Variants in DNAJC24 observed in about 807,000 individuals in gnomAD.
The protein encoded by DNAJC24 is DnaJ heat shock protein family (Hsp40) member C24, also known as dnaJ homolog subfamily C member 24.
A neutral mutation model predicts 18.0 loss-of-function variants in DNAJC24; 17 were observed. That is an observed-to-expected ratio of 0.94 (90% CI 0.65 to 1.42). DNAJC24 has a LOEUF of 1.42. Among genes scored for constraint, DNAJC24 ranks in the 40% most tolerant of loss-of-function variants. The probability of loss-of-function intolerance (pLI) is 0.00; values close to 1 mark genes in which losing one functional copy is unlikely to be tolerated. For missense variants in DNAJC24, 158 were observed against 175.6 expected (o/e 0.90, Z 0.57); for synonymous variants, 55 against 57.7 (o/e 0.95, Z 0.21).
intron 2 of DNAJC24, among the ~76,000 whole-genome samples, chr11:31,387,197 A>G (rs1454137992): frequency 6.6e-6 from 1 of 152,216 alleles, no homozygotes; most frequent in Non-Finnish European, 1.5e-5. Context: ...GAAGGACAGA[A>G]GCCTGGCTGA....
At chr11:31,371,611 A>T in intron 2 of DNAJC24, among the ~76,000 whole-genome samples, 1 of 152,126 alleles carries the variant, frequency 6.6e-6, no homozygotes, top group East Asian at 1.9e-4. Context: ...TGTGGATTAT[A>T]TATTGAAATG....
At chr11:31,419,495 A>T (rs144311314) in intron 3 of DNAJC24, among the ~76,000 whole-genome samples, 19 of 152,212 alleles carry the variant, frequency 1.2e-4, no homozygotes, top group African/African-American at 4.1e-4. Flanking sequence ...AATGTATTTT[A>T]GGATCATTTC....
At chr11:31,383,799 T>C (rs1952401763) in intron 2 of DNAJC24, among the ~76,000 whole-genome samples, 1 of 152,272 alleles carries the variant, frequency 6.6e-6, no homozygotes, top group Admixed American at 6.5e-5. Context: ...TTCGTCCTAA[T>C]GTAACAGAAT....
In DNAJC24 at chr11:31,432,407, G is replaced by T. The variant is rs1033498723; in HGVS notation, c.*2006G>T. ...AATTAAAAACAACTAAAACTGAATAGCAAATAGTTTATTGGTAAGTACACG... is the reference window on the plus strand; with the variant it reads ...AATTAAAAACAACTAAAACTGAATATCAAATAGTTTATTGGTAAGTACACG... On this transcript the variant is annotated 3_prime_UTR_variant, in exon 5 of 5. Transcript: ENST00000465995. The T allele has an allele frequency of 2.4e-6, 2 of 823,916 alleles. No individual in the cohort carries two copies. Among genetic ancestry groups the T allele is most frequent in the Admixed American group, 4.3e-5 (2 of 46,250 alleles). The allele number at this position is 823,916 out of a possible 1,614,324, so 51.0% of individuals were successfully genotyped here. A position where few individuals can be genotyped will look rare whatever the true frequency, so the allele number is the denominator to read the frequency against.
chr11:31,371,918 C>G (rs543138), intron 2 of DNAJC24, among the ~76,000 whole-genome samples: 62,372 of 149,228 alleles, frequency 0.42, 13,951 homozygotes, highest in African/African-American at 0.57. Context: ...CCGCCTCCCA[C>G]TTTCAAAGGA....
intron 2 of DNAJC24, among the ~76,000 whole-genome samples, chr11:31,381,351 ATGT>A (rs374615926): frequency 1.8e-3 from 272 of 152,208 alleles, no homozygotes; most frequent in African/African-American, 6.1e-3. Flanking sequence ...AATACAATTA[ATGT>A]TGTTGTGTCC....
chr11:31,393,640 C>T (rs183347032), intron 2 of DNAJC24, among the ~76,000 whole-genome samples: 4 of 152,178 alleles, frequency 2.6e-5, no homozygotes, highest in Admixed American at 2.6e-4. Flanking sequence ...GGTGTCATCT[C>T]GGAAGCAGAG....
chr11:31,413,402 C>G (rs963419699), intron 2 of DNAJC24, among the ~76,000 whole-genome samples: 1 of 146,790 alleles, frequency 6.8e-6, no homozygotes, highest in African/African-American at 2.5e-5. Flanking sequence ...GCAATCTCAG[C>G]TCACTGCAAG....
chr11:31,421,990 T>A, intron 3 of DNAJC24: 1 of 444,578 alleles, frequency 2.2e-6, no homozygotes. Context: ...ACCTCTCTGA[T>A]GAGTCCTGCC....
At chr11:31,415,796 C>T (rs969196828) in intron 3 of DNAJC24, 9 of 152,210 alleles carry the variant, frequency 5.9e-5, no homozygotes, top group African/African-American at 1.7e-4. Flanking sequence ...CTCGTAGTCG[C>T]TTATTGAATC....
At chr11:31,411,758 T>C (rs1458840155) in intron 2 of DNAJC24, among the ~76,000 whole-genome samples, 1 of 152,232 alleles carries the variant, frequency 6.6e-6, no homozygotes, top group Non-Finnish European at 1.5e-5. Context: ...TTTCATGAAC[T>C]ACAACGTAAT....
intron 3 of DNAJC24, among the ~76,000 whole-genome samples, chr11:31,419,664 T>G (rs1952785329): frequency 6.6e-6 from 1 of 151,996 alleles, no homozygotes; most frequent in Non-Finnish European, 1.5e-5. Flanking sequence ...TTTTCCAACT[T>G]TAACCACTCT....
intron 4 of DNAJC24, among the ~76,000 whole-genome samples, chr11:31,428,390 A>G (rs997052162): frequency 1.4e-4 from 22 of 152,190 alleles, no homozygotes; most frequent in Admixed American, 9.2e-4. Flanking sequence ...ATTCTTGTAG[A>G]AATACTTAAA....
chr11:31,419,205 G>A (rs1952780236), intron 3 of DNAJC24, among the ~76,000 whole-genome samples: 2 of 151,964 alleles, frequency 1.3e-5, no homozygotes, highest in Admixed American at 6.6e-5. Flanking sequence ...TTTGATTTTA[G>A]GAATTTCAAA....
chr11:31,374,098 T>C (rs1395721812), intron 2 of DNAJC24: 1 of 390,036 alleles, frequency 2.6e-6, no homozygotes, highest in African/African-American at 2.0e-5. Context: ...TTTTCTTACG[T>C]TAAGGCACTA....
At chr11:31,379,169 C>A (rs1952349733) in intron 2 of DNAJC24, among the ~76,000 whole-genome samples, 2 of 152,116 alleles carry the variant, frequency 1.3e-5, no homozygotes, top group African/African-American at 4.8e-5. Context: ...CAGTACTGGT[C>A]CATGGCCAGT....
At chr11:31,386,142 G>A (rs1047951533) in intron 2 of DNAJC24, among the ~76,000 whole-genome samples, 1 of 152,034 alleles carries the variant, frequency 6.6e-6, no homozygotes, top group African/African-American at 2.4e-5. Flanking sequence ...AAAGTTCTCT[G>A]GGGTCATAAG....
chr11:31,430,128 T>C (rs1952905022), intron 4 of DNAJC24, 143 bp from the exon 5 acceptor site: 1 of 658,546 alleles, frequency 1.5e-6, no homozygotes, highest in Non-Finnish European at 2.3e-6. Flanking sequence ...AGAAATCCAG[T>C]TCTCCTTTAA....
At chr11:31,408,424 C>T (rs1952675866) in intron 2 of DNAJC24, 2 of 282,184 alleles carry the variant, frequency 7.1e-6, no homozygotes, top group East Asian at 9.3e-5. Context: ...TGAGGTGACA[C>T]ATTGTGACAG....
Sources: allele counts gnomAD v4.1 joint callset (sites outside exome capture counted in the v4.1 genomes callset), GRCh38; gene constraint gnomAD v4.1.1; transcripts MANE v1.5; gene names NCBI Gene and HGNC (gene_info 2026-07-23, HGNC 2026-07-21).